Variants in SPTBN1 observed in about 807,000 individuals in gnomAD.
SPTBN1 encodes spectrin beta, non-erythrocytic 1.
Under a neutral mutation model 266.4 loss-of-function variants are expected in SPTBN1, and 32 were observed. The ratio of observed to expected loss-of-function variants is 0.12; its 90% CI spans 0.09 to 0.16. The LOEUF is 0.16. Among genes scored for constraint, SPTBN1 ranks in the 10% least tolerant of loss-of-function variants. SPTBN1 has a pLI of 1.00. For synonymous variants in SPTBN1, 1,336 were observed against 1,162.2 expected, an observed-to-expected ratio of 1.15 and a Z score of -3.04; for missense variants, 2,296 against 3,067.1, an observed-to-expected ratio of 0.75 and a Z score of 5.94.
intron 32 of SPTBN1, chr2:54,662,426 A>G: frequency 1.5e-6 from 1 of 668,678 alleles, no homozygotes; most frequent in Non-Finnish European, 1.8e-6. Flanking sequence ...CTGCAGAATT[A>G]TCCTCAGAAG....
chr2:54,510,494 A>G lies in SPTBN1; in HGVS notation c.-47-15878A>G, dbSNP rs74510388. 5.1e-4 allele frequency among the ~76,000 whole-genome samples: 77 copies of G among 152,342 alleles called. 1 individual carries two copies. In the East Asian group the frequency reaches 0.015, roughly 29 times the overall value. On this transcript the variant is annotated intron_variant, in intron 1 of 35. Coordinates refer to ENST00000356805, the MANE Select transcript of SPTBN1 (RefSeq NM_003128.3). Reference sequence around the variant, plus strand: ...ACTTCTCTCTGTGCAGAGTCATAGAATACTAACAGAATTTAGTTCCCTCTA... The same window carrying G: ...ACTTCTCTCTGTGCAGAGTCATAGAGTACTAACAGAATTTAGTTCCCTCTA...
intron 24 of SPTBN1, among the ~76,000 whole-genome samples, chr2:54,648,029 C>G (rs1025113600): frequency 2.0e-5 from 3 of 152,180 alleles, no homozygotes; most frequent in African/African-American, 4.8e-5. Flanking sequence ...AAAGTGATAA[C>G]ACCTCCTAAC....
chr2:54,468,716 A>G (rs892542327), intron 1 of SPTBN1, among the ~76,000 whole-genome samples: 7 of 152,364 alleles, frequency 4.6e-5, no homozygotes, highest in African/African-American at 1.4e-4. Context: ...GTCTTTTTAC[A>G]ATGGAAAAAT....
chr2:54,657,227 G>A (rs1051013770), intron 29 of SPTBN1, among the ~76,000 whole-genome samples: 3 of 152,228 alleles, frequency 2.0e-5, no homozygotes, highest in Non-Finnish European at 4.4e-5. Flanking sequence ...CCCACCATCT[G>A]TAGTGTTCCC....
At chr2:54,562,372 CACTT>C (rs1041984552) in intron 2 of SPTBN1, among the ~76,000 whole-genome samples, 61 of 152,228 alleles carry the variant, frequency 4.0e-4, no homozygotes, top group African/African-American at 1.4e-3. Context: ...GGCCCCACTC[CACTT>C]ACTTCTTATT....
chr2:54,477,787 C>G (rs544212442), intron 1 of SPTBN1, among the ~76,000 whole-genome samples: 1 of 151,978 alleles, frequency 6.6e-6, no homozygotes, highest in East Asian at 1.9e-4. Flanking sequence ...GGCGGGTGCC[C>G]GTTATCCCAG....
intron 1 of SPTBN1, among the ~76,000 whole-genome samples, chr2:54,470,834 G>C (rs1479719027): frequency 6.6e-6 from 1 of 152,130 alleles, no homozygotes; most frequent in Non-Finnish European, 1.5e-5. Context: ...TTTTCGCAGA[G>C]TTAATGGGGC....
intron 1 of SPTBN1, among the ~76,000 whole-genome samples, chr2:54,519,736 C>T (rs1322706323): frequency 1.3e-5 from 2 of 152,120 alleles, no homozygotes; most frequent in African/African-American, 4.8e-5. Context: ...CACGGTCCCT[C>T]TGGTAGCATT....
At chr2:54,481,884 C>A (rs745645772) in intron 1 of SPTBN1, among the ~76,000 whole-genome samples, 1 of 152,140 alleles carries the variant, frequency 6.6e-6, no homozygotes, top group African/African-American at 2.4e-5. Context: ...TTGATACTAG[C>A]CAGGCTTTAT....
At chr2:54,484,887 T>C (rs78263265) in intron 1 of SPTBN1, among the ~76,000 whole-genome samples, 1 of 150,410 alleles carries the variant, frequency 6.6e-6, no homozygotes, top group Non-Finnish European at 1.5e-5. Context: ...CCAAGAAAAT[T>C]AATGCAAAAC....
intron 1 of SPTBN1, among the ~76,000 whole-genome samples, chr2:54,486,737 A>T (rs553114054): frequency 2.0e-4 from 28 of 137,648 alleles, no homozygotes; most frequent in South Asian, 6.6e-4. Context: ...ATAATAAATT[A>T]AAAAAAAAAA....
intron 6 of SPTBN1, 109 bp downstream of exon 6, chr2:54,617,797 G>T: frequency 9.2e-7 from 1 of 1,084,798 alleles, no homozygotes; most frequent in Admixed American, 2.3e-5. Flanking sequence ...TCTCACCGTG[G>T]TGGAAATTTC....
chr2:54,526,349 G>GT (rs1238695249), intron 1 of SPTBN1, 23 bp from the exon 2 acceptor site: 2 of 1,584,942 alleles, frequency 1.3e-6, no homozygotes, highest in African/African-American at 2.7e-5. Context: ...ACGTCTAAAT[G>GT]TTTTTCCTTT....
At position 54,609,821 on chromosome 2, in the gene SPTBN1, T is replaced by C. The variant is rs11889047; in HGVS notation, c.301-2340T>C. ...AACCAATTCAGAAAACCGGTTGTCA[T>C]TGTCCAGGCCTTCTTTTTGTACAAC... On this transcript the variant is annotated intron_variant, in intron 3 of 35. Coordinates refer to ENST00000356805, the MANE Select transcript of SPTBN1 (RefSeq NM_003128.3). 4.1e-3 allele frequency among the ~76,000 whole-genome samples: 630 copies of C among 152,310 alleles called. 9 individuals carry two copies. The highest frequency in any genetic ancestry group is 0.015 in the African/African-American group (603 of 41,572).
intron 35 of SPTBN1, 67 bp from the exon 36 acceptor site, chr2:54,668,284 C>T: frequency 6.5e-7 from 1 of 1,528,614 alleles, no homozygotes; most frequent in Non-Finnish European, 9.0e-7. Context: ...CATTCCCAAG[C>T]CTTGGAGCCA....
chr2:54,566,718 C>G (rs1673689490), intron 2 of SPTBN1, among the ~76,000 whole-genome samples: 1 of 152,024 alleles, frequency 6.6e-6, no homozygotes. Flanking sequence ...GTAGTCCCAG[C>G]TACTCGGGAG....
chr2:54,621,445 T>C lies in SPTBN1; in HGVS notation c.809T>C (p.Val270Ala). Residue 270 changes from valine to alanine, a missense_variant, in exon 8 of 36, where the codon GTG (valine) becomes GCG (alanine). By Grantham distance (64) the Val-to-Ala change is moderately conservative. This residue lies in a region of SPTBN1 where 178 missense variants were observed against 375.7 expected (regional missense o/e 0.47). Coordinates refer to ENST00000356805, the MANE Select transcript of SPTBN1 (RefSeq NM_003128.3). ...GATGAGAAGTCCATAATCACTTATG[T>C]GGTGACTTATTACCACTACTTCTCT... ...HPDEKSIITY[V>A]VTYYHYFSKM... 1 of 1,614,164 alleles carries C rather than the reference T, an allele frequency of 6.2e-7. No homozygotes were observed. The highest frequency in any genetic ancestry group is 8.5e-7 in the Non-Finnish European group (1 of 1,180,004).
At chr2:54,565,726 G>T (rs949577969) in intron 2 of SPTBN1, among the ~76,000 whole-genome samples, 4 of 152,182 alleles carry the variant, frequency 2.6e-5, no homozygotes, top group Non-Finnish European at 4.4e-5. Flanking sequence ...TAACTGCCAG[G>T]TCTGCTTCAC....
chr2:54,542,345 A>T (rs1038402946), intron 2 of SPTBN1, among the ~76,000 whole-genome samples: 1 of 152,284 alleles, frequency 6.6e-6, no homozygotes, highest in African/African-American at 2.4e-5. Context: ...AAGGAGCTCA[A>T]GGCAGGACTA....
Sources: allele counts gnomAD v4.1 joint callset (sites outside exome capture counted in the v4.1 genomes callset), GRCh38; gene constraint gnomAD v4.1.1; regional missense constraint gnomAD v4.1.1; transcripts MANE v1.5; gene names NCBI Gene and HGNC (gene_info 2026-07-23, HGNC 2026-07-21).